Variants in PGAP4 observed in about 807,000 individuals in gnomAD.
The protein encoded by PGAP4 is post-GPI attachment to proteins GalNAc transferase 4, also known as GPI-N-acetylgalactosamine transferase PGAP4.
A neutral mutation model predicts 28.2 loss-of-function variants in PGAP4; 12 were observed. The observed-to-expected ratio is 0.42, with a 90% CI of 0.27 to 0.69. The LOEUF is 0.69. PGAP4 is among the 30% of genes least tolerant of loss of function. The probability of loss-of-function intolerance (pLI) is 0.22; values close to 1 mark genes in which losing one functional copy is unlikely to be tolerated. For synonymous variants in PGAP4, 205 were observed against 211.8 expected (o/e 0.97, Z 0.28); for missense variants, 425 against 513.5 (o/e 0.83, Z 1.67).
At chr9:101,528,787 C>G (rs1043469268) in intron 2 of PGAP4, among the ~76,000 whole-genome samples, 1 of 150,728 alleles carries the variant, frequency 6.6e-6, no homozygotes, top group South Asian at 2.1e-4. Context: ...AACATAGACA[C>G]TTCTTAGTTT....
In PGAP4 at chr9:101,475,941, G is replaced by T. The variant is rs1053142037; in HGVS notation, c.1152C>A (p.Leu384=). The T allele has an allele frequency of 3.7e-6, 6 of 1,614,214 alleles. No homozygotes were observed. The highest frequency in any genetic ancestry group is 5.1e-6 in the Non-Finnish European group (6 of 1,180,042). Reference sequence around the variant, plus strand: ...TGGAGAAGAGCCCGATGTGTTTCACGAGGTTCGGCTCCACTACATAGGCCC... The same window carrying T: ...TGGAGAAGAGCCCGATGTGTTTCACTAGGTTCGGCTCCACTACATAGGCCC... ...GERAYVVEPN[L]VKHIGLFSSL... Residue 384 remains leucine (L), a synonymous_variant, in exon 2 of 2, where the codon CTC becomes CTA. Transcript: ENST00000374848.
chr9:101,496,837 T>C (rs1377825429), intron 2 of PGAP4, among the ~76,000 whole-genome samples: 3 of 150,728 alleles, frequency 2.0e-5, no homozygotes, highest in Non-Finnish European at 4.5e-5. Context: ...AATTTATTGG[T>C]TTGTTTTTAT....
chr9:101,526,069 G>C (rs1827034091), intron 2 of PGAP4, among the ~76,000 whole-genome samples: 1 of 151,766 alleles, frequency 6.6e-6, no homozygotes, highest in African/African-American at 2.4e-5. Flanking sequence ...TAAAAGGACA[G>C]TTTTCATAAG....
upstream of PGAP4, among the ~76,000 whole-genome samples, chr9:101,488,681 A>G (rs1471225202): frequency 6.6e-6 from 1 of 152,140 alleles, no homozygotes; most frequent in Non-Finnish European, 1.5e-5. Flanking sequence ...GTCCAATCTC[A>G]TGGTCACTAG....
chr9:101,505,163 T>C (rs1337479162), intron 2 of PGAP4, among the ~76,000 whole-genome samples: 1 of 152,140 alleles, frequency 6.6e-6, no homozygotes, highest in East Asian at 1.9e-4. Flanking sequence ...GCCTATCTTT[T>C]TCACATATGA....
At chr9:101,510,787 C>T (rs941395704) in intron 2 of PGAP4, among the ~76,000 whole-genome samples, 8 of 152,064 alleles carry the variant, frequency 5.3e-5, no homozygotes, top group African/African-American at 7.2e-5. Context: ...AATAAAATAA[C>T]GGGCGGGCCA....
chr9:101,494,330 G>A lies in PGAP4; in HGVS notation c.-164-5130C>T, dbSNP rs560250813. 2.0e-5 allele frequency among the ~76,000 whole-genome samples: 3 copies of A among 151,848 alleles called. No individual in the cohort carries two copies. In the East Asian group the frequency reaches 5.8e-4, roughly 29 times the overall value. On this transcript the variant is annotated intron_variant, in intron 2 of 3. Transcript: ENST00000374851. ...TTTATGAATGGTTTTTACATTTTTGGAGAATCAACTAGGGAGAAAAAGTAA... is the reference window on the plus strand; with the variant it reads ...TTTATGAATGGTTTTTACATTTTTGAAGAATCAACTAGGGAGAAAAAGTAA...
intron 2 of PGAP4, among the ~76,000 whole-genome samples, chr9:101,512,958 G>A (rs529637637): frequency 4.1e-4 from 63 of 152,228 alleles, no homozygotes; most frequent in Middle Eastern, 3.4e-3. Context: ...TTGACACTTT[G>A]GGAGCTGAAT....
intron 2 of PGAP4, among the ~76,000 whole-genome samples, chr9:101,523,959 A>G (rs1193765069): frequency 1.3e-5 from 2 of 151,544 alleles, no homozygotes; most frequent in East Asian, 3.9e-4. Context: ...CCCTTTTCCT[A>G]TGGATGTGGC....
At chr9:101,511,469 G>A (rs1826897949) in intron 2 of PGAP4, among the ~76,000 whole-genome samples, 1 of 152,146 alleles carries the variant, frequency 6.6e-6, no homozygotes, top group Non-Finnish European at 1.5e-5. Context: ...ACAACAAAGT[G>A]CTTCTAAGCA....
rs543028754 is a variant in PGAP4, at chr9:101,510,166, G to T, written c.-164-20966C>A. Among the ~76,000 whole-genome samples the T allele has an allele frequency of 6.5e-4, 99 of 152,176 alleles. 1 individual carries two copies. The highest frequency in any genetic ancestry group is 5.9e-4 in the Admixed American group (9 of 15,282). On this transcript the variant is annotated intron_variant, in intron 2 of 3. Transcript: ENST00000374851. The stretch of plus-strand genomic sequence containing the variant: ...TATTTCATCAATTCATCTAGTTATG[G>T]TGCTAGGTGAAAGAGGAACACATGC...
intron 1 of PGAP4, among the ~76,000 whole-genome samples, chr9:101,484,779 G>A (rs1218076411): frequency 6.6e-6 from 1 of 152,188 alleles, no homozygotes; most frequent in Non-Finnish European, 1.5e-5. Flanking sequence ...TTGAGAATGT[G>A]TTACAGCAGC....
At chr9:101,533,267 G>A (rs7044649) in exon 1 of PGAP4, 3 of 152,324 alleles carry the variant, frequency 2.0e-5, no homozygotes, top group South Asian at 4.2e-4. Context: ...GCGGGGTTTG[G>A]GGGGAGGAGA....
At chr9:101,498,401 C>G (rs1423647634) in intron 2 of PGAP4, among the ~76,000 whole-genome samples, 1 of 151,554 alleles carries the variant, frequency 6.6e-6, no homozygotes. Flanking sequence ...GCTAATCAGG[C>G]AAACCTAAAT....
chr9:101,480,822 A>G (rs2047621986), intron 1 of PGAP4: 2 of 152,226 alleles, frequency 1.3e-5, no homozygotes, highest in Non-Finnish European at 2.9e-5. Context: ...CAATTGTTGC[A>G]CAGTAGCCTG....
At chr9:101,494,175 AT>A (rs1196001331) in intron 2 of PGAP4, among the ~76,000 whole-genome samples, 1 of 151,958 alleles carries the variant, frequency 6.6e-6, no homozygotes, top group Non-Finnish European at 1.5e-5. Flanking sequence ...GAAGATAGGC[AT>A]TTTATGTACA....
chr9:101,497,299 A>C (rs1826760282), intron 2 of PGAP4, among the ~76,000 whole-genome samples: 1 of 151,634 alleles, frequency 6.6e-6, no homozygotes, highest in Admixed American at 6.6e-5. Context: ...ATATTAGACA[A>C]AGATAGTCAC....
chr9:101,497,609 G>T (rs1028201833), intron 2 of PGAP4, among the ~76,000 whole-genome samples: 4 of 151,504 alleles, frequency 2.6e-5, no homozygotes, highest in Non-Finnish European at 4.4e-5. Flanking sequence ...ATATAAAGTT[G>T]TCTGACCAGT....
chr9:101,511,941 C>G (rs1266631448), intron 2 of PGAP4, among the ~76,000 whole-genome samples: 3 of 152,050 alleles, frequency 2.0e-5, no homozygotes, highest in Non-Finnish European at 2.9e-5. Flanking sequence ...AGTCATCCAC[C>G]CAATGCCAAA....
Sources: allele counts gnomAD v4.1 joint callset (sites outside exome capture counted in the v4.1 genomes callset), GRCh38; gene constraint gnomAD v4.1.1; transcripts MANE v1.5; gene names NCBI Gene and HGNC (gene_info 2026-07-23, HGNC 2026-07-21).